FGD3: variants seen among roughly 807,000 people sequenced by gnomAD.
FGD3 encodes the protein FYVE, RhoGEF and PH domain-containing protein 3.
Under a neutral mutation model 71.8 loss-of-function variants are expected in FGD3, and 45 were observed. The ratio of observed to expected loss-of-function variants is 0.63; its 90% CI spans 0.49 to 0.80. FGD3 has a LOEUF of 0.80. FGD3 is among the 30% of genes least tolerant of loss of function. The pLI is 0.00. For synonymous variants in FGD3, 378 were observed against 392.8 expected, an observed-to-expected ratio of 0.96 and a Z score of 0.44; for missense variants, 844 against 951.5, an observed-to-expected ratio of 0.89 and a Z score of 1.49.
At chr9:93,008,372 C>T (rs1302044556) in intron 6 of FGD3, among the ~76,000 whole-genome samples, 1 of 152,200 alleles carries the variant, frequency 6.6e-6, no homozygotes, top group African/African-American at 2.4e-5. Context: ...TGATCCATAA[C>T]CCAACCCAGG....
rs952213921 is a variant in FGD3 at position 92,956,194 on chromosome 9, T to C, written c.-218+8465T>C. ...TAGACAGTCATGTCATTTGCAAACA[T>C]GGACAATTTTATTTCTTCCTTTCTG... On this transcript the variant is annotated intron_variant, in intron 1 of 17. Transcript: ENST00000375482. Among the ~76,000 whole-genome samples the C allele has an allele frequency of 3.3e-5, 5 of 152,212 alleles. No individual in the cohort carries two copies. In the East Asian group the frequency reaches 9.6e-4, roughly 29 times the overall value.
At chr9:92,958,455 T>C (rs1166573370) in intron 1 of FGD3, among the ~76,000 whole-genome samples, 1 of 152,246 alleles carries the variant, frequency 6.6e-6, no homozygotes, top group African/African-American at 2.4e-5. Flanking sequence ...TTGATGAACC[T>C]GCACTGACAC....
chr9:92,952,313 T>A (rs1043039274), intron 1 of FGD3, among the ~76,000 whole-genome samples: 9 of 150,008 alleles, frequency 6.0e-5, no homozygotes, highest in Non-Finnish European at 8.9e-5. Flanking sequence ...CTCGGCTCAC[T>A]GCAAGCTCCG....
In FGD3 at chr9:93,032,860, C is replaced by G; in HGVS notation, c.1772C>G (p.Pro591Arg). Residue 591 changes from proline (P) to arginine (R), a missense_variant, in exon 16 of 18, where the codon CCT becomes CGT. Transcript: ENST00000375482. ...RDCFLTQPVA[P>R]ESTEKTPTAD... ...TGTTTCCTGACACAGCCAGTGGCCC[C>G]TGAGAGCACAGAGGTGGGTGCTCCC... is the stretch of plus-strand genomic sequence containing the variant. 1 of 1,614,176 alleles carries G rather than the reference C, an allele frequency of 6.2e-7. No individual in the cohort carries two copies. The highest frequency in any genetic ancestry group is 8.5e-7 in the Non-Finnish European group (1 of 1,179,996).
chr9:92,949,255 C>T (rs1161254950), intron 1 of FGD3, among the ~76,000 whole-genome samples: 3 of 152,168 alleles, frequency 2.0e-5, no homozygotes, highest in Admixed American at 6.5e-5. Flanking sequence ...TCCCGTGGAC[C>T]AGTGCCTCAG....
intron 15 of FGD3, chr9:93,032,516 C>A: frequency 2.2e-6 from 1 of 463,344 alleles, no homozygotes; most frequent in Non-Finnish European, 3.9e-6. Flanking sequence ...TCCTCCCACG[C>A]ACACAAGACT....
intron 3 of FGD3, among the ~76,000 whole-genome samples, chr9:92,987,917 T>G (rs1183953572): frequency 6.6e-6 from 1 of 152,198 alleles, no homozygotes. Flanking sequence ...GGAAGCTGAT[T>G]ATCTGTTTCA....
chr9:92,983,261 T>G (rs918421822), intron 3 of FGD3, among the ~76,000 whole-genome samples: 3 of 149,602 alleles, frequency 2.0e-5, no homozygotes, highest in African/African-American at 7.4e-5. Flanking sequence ...GGTGGCTCAC[T>G]CCTGTAATCC....
intron 1 of FGD3, among the ~76,000 whole-genome samples, chr9:92,951,829 T>A (rs965577533): frequency 1.3e-5 from 2 of 152,142 alleles, no homozygotes; most frequent in Non-Finnish European, 2.9e-5. Flanking sequence ...CTGCTGGTCT[T>A]TGACCATGCA....
intron 3 of FGD3, among the ~76,000 whole-genome samples, chr9:92,981,715 G>A (rs193275537): frequency 1.5e-4 from 23 of 152,230 alleles, no homozygotes; most frequent in Admixed American, 8.5e-4. Flanking sequence ...ATATTTAGGA[G>A]CGCTGAGGTT....
chr9:92,982,501 A>G (rs538408313), intron 3 of FGD3, among the ~76,000 whole-genome samples: 1 of 152,258 alleles, frequency 6.6e-6, no homozygotes, highest in South Asian at 2.1e-4. Flanking sequence ...ATAAATGTCC[A>G]GTCGTGTGAT....
Position 93,036,182 on chromosome 9 carries a change from A to T in FGD3, c.*593A>T, listed in dbSNP as rs1368377371. 1.3e-5 allele frequency: 2 copies of T among 152,596 alleles called. No homozygotes were observed. The highest frequency in any genetic ancestry group is 2.9e-5 in the Non-Finnish European group (2 of 68,340). 9.5% of individuals were successfully genotyped at this position (152,596 alleles called of 1,614,324 possible). A position where few individuals can be genotyped will look rare whatever the true frequency, so the allele number is the denominator to read the frequency against. The stretch of plus-strand genomic sequence containing the variant: ...CGCATGAGATTTGTGGCTGTTCCTG[A>T]TGCTAGTGGCACACAGTGCTTATCT... On this transcript the variant is annotated 3_prime_UTR_variant, in exon 18 of 18. Transcript: ENST00000375482.
At chr9:93,022,684 C>T (rs1861969467) in intron 14 of FGD3, among the ~76,000 whole-genome samples, 1 of 152,142 alleles carries the variant, frequency 6.6e-6, no homozygotes, top group Non-Finnish European at 1.5e-5. Context: ...GAGGTGGTCA[C>T]ACAGCTGGGC....
At chr9:93,007,760 C>T (rs1485289359) in intron 6 of FGD3, among the ~76,000 whole-genome samples, 1 of 152,244 alleles carries the variant, frequency 6.6e-6, no homozygotes, top group African/African-American at 2.4e-5. Context: ...CGCCTGGACT[C>T]AGTACCATCC....
chr9:93,012,907 A>G (rs1286830335), intron 8 of FGD3, among the ~76,000 whole-genome samples: 2 of 151,760 alleles, frequency 1.3e-5, no homozygotes. Flanking sequence ...CAGCCCTCCC[A>G]GTACATTCCA....
At chr9:93,029,695 G>A (rs531245594) in intron 14 of FGD3, among the ~76,000 whole-genome samples, 179 bp from the exon 15 acceptor site, 2 of 152,396 alleles carry the variant, frequency 1.3e-5, no homozygotes, top group South Asian at 2.1e-4. Context: ...GCTGGGAGGT[G>A]AGGGAGGGAA....
intron 14 of FGD3, 57 bp from the exon 15 acceptor site, chr9:93,029,817 T>C (rs1862285696): frequency 6.3e-7 from 1 of 1,577,700 alleles, no homozygotes; most frequent in Admixed American, 1.7e-5. Context: ...CACTGCCGTG[T>C]GGGGTAGGGT....
intron 3 of FGD3, among the ~76,000 whole-genome samples, chr9:92,993,756 G>C (rs527935504): frequency 1.1e-4 from 17 of 152,176 alleles, no homozygotes; most frequent in Non-Finnish European, 2.4e-4. Flanking sequence ...CAGAATGATG[G>C]TTTCCAGCTT....
At chr9:92,997,805 C>T (rs1172463941) in intron 3 of FGD3, among the ~76,000 whole-genome samples, 8 of 152,194 alleles carry the variant, frequency 5.3e-5, no homozygotes, top group Non-Finnish European at 8.8e-5. Flanking sequence ...CCCCCACTCT[C>T]TTCTGGCTTG....
Sources: allele counts gnomAD v4.1 joint callset (sites outside exome capture counted in the v4.1 genomes callset), GRCh38; gene constraint gnomAD v4.1.1; transcripts MANE v1.5; gene names NCBI Gene and HGNC (gene_info 2026-07-23, HGNC 2026-07-21).